Variants in DNAH6 observed in about 807,000 individuals in gnomAD.
DNAH6 encodes the protein axonemal beta dynein heavy chain 6.
A neutral mutation model predicts 491.4 loss-of-function variants in DNAH6; 340 were observed. The observed-to-expected ratio is 0.69, with a 90% CI of 0.63 to 0.76. The LOEUF (loss-of-function observed/expected upper bound fraction) is 0.76, where lower values mean the gene tolerates loss of function less well. Ranked by LOEUF, DNAH6 falls within the 30% of genes least tolerant of loss-of-function variation. The probability of loss-of-function intolerance (pLI) is 0.00; values close to 1 mark genes in which losing one functional copy is unlikely to be tolerated. For synonymous variants in DNAH6, 1,603 were observed against 1,686.1 expected (o/e 0.95, Z 1.21); for missense variants, 4,443 against 4,972.2 (o/e 0.89, Z 3.20).
intron 64 of DNAH6, 35 bp from the exon 65 acceptor site, chr2:84,781,458 A>G (rs1177092198): frequency 4.0e-6 from 6 of 1,510,550 alleles, no homozygotes; most frequent in Middle Eastern, 1.7e-4. Context: ...TTAAAATAGC[A>G]TAAGATGATA....
rs569489014 is a variant in DNAH6 at position 84,597,318 on chromosome 2, A to C, written c.2868+1529A>C. Among the ~76,000 whole-genome samples the C allele has an allele frequency of 4.6e-5, 7 of 152,346 alleles. No homozygotes were observed. In the East Asian group the frequency reaches 1.2e-3, roughly 25 times the overall value. ...CCTTTAAAATGGGCAAAAGATTTGA[A>C]TACACACTTCCCCAAAGAAGACACA... On this transcript the variant is annotated intron_variant, in intron 18 of 76. Coordinates refer to ENST00000389394, the MANE Select transcript of DNAH6 (RefSeq NM_001370.2).
rs773802120 is a variant in DNAH6, at chr2:84,694,530, A to G, written c.7524+50A>G. On this transcript the variant is annotated intron_variant, in intron 46 of 76. Transcript: ENST00000389394. The stretch of plus-strand genomic sequence containing the variant: ...TGAGAACAGGAAATGTATGGGTGTT[A>G]CAATCGGGTGTGTGCTTTGAACAGT... The G allele has an allele frequency of 5.2e-6, 7 of 1,346,036 alleles. 1 individual carries two copies. In the South Asian group the frequency reaches 7.7e-5, roughly 15 times the overall value. The allele number at this position is 1,346,036 out of a possible 1,614,324, so 83.4% of individuals were successfully genotyped here. A position where few individuals can be genotyped will look rare whatever the true frequency, so the allele number is the denominator to read the frequency against.
At chr2:84,661,257 G>A (rs1001196287) in intron 37 of DNAH6, among the ~76,000 whole-genome samples, 3 of 151,934 alleles carry the variant, frequency 2.0e-5, no homozygotes, top group Non-Finnish European at 4.4e-5. Context: ...TCAAGTGAAA[G>A]GGTCACAACC....
Position 84,676,505 on chromosome 2 carries a change from T to G in DNAH6, c.6613-500T>G, listed in dbSNP as rs187727472. 5.9e-5 allele frequency among the ~76,000 whole-genome samples: 9 copies of G among 152,270 alleles called. No individual in the cohort carries two copies. In the East Asian group the frequency reaches 1.4e-3, roughly 23 times the overall value. ...GTTCAATGTTAATGACTCAACAATA[T>G]AAAATAAGGCATTTTAAACAGAAAC... On this transcript the variant is annotated intron_variant, in intron 40 of 76. Coordinates refer to ENST00000389394, the MANE Select transcript of DNAH6 (RefSeq NM_001370.2).
intron 23 of DNAH6, 105 bp from the exon 24 acceptor site, chr2:84,619,580 A>C: frequency 1.0e-6 from 1 of 1,003,732 alleles, no homozygotes. Flanking sequence ...AGGTCCAGGA[A>C]ATTGGTGGAC....
chr2:84,588,839 T>G lies in DNAH6; in HGVS notation c.2495T>G (p.Leu832Ter). 1 of 1,543,630 alleles carries G rather than the reference T, an allele frequency of 6.5e-7. No homozygotes were observed. Among genetic ancestry groups the G allele is most frequent in the Non-Finnish European group, 8.7e-7 (1 of 1,144,220 alleles). Residue 832 changes from leucine (L) to a stop codon, truncating the protein, a stop_gained, in exon 16 of 77, where the codon TTA (leucine) becomes TGA (stop). Transcript: ENST00000389394. LOFTEE classifies it high-confidence loss of function. ...TTAAATTTATAGGATCCACAGATTT[T>G]AGATATCTCTGCTGACCAAGACAAA... ...VKLQAQDPQILDISADQDKIR... is the reference protein window; with the variant it reads ...VKLQAQDPQI
intron 23 of DNAH6, 71 bp downstream of exon 23, chr2:84,617,053 T>C (rs932794573): frequency 1.3e-5 from 11 of 834,054 alleles, no homozygotes; most frequent in African/African-American, 1.8e-5. Flanking sequence ...GTTATAATTA[T>C]AACCTCAAAG....
At chr2:84,777,786 T>G (rs573890842) in intron 64 of DNAH6, 4 of 1,010,796 alleles carry the variant, frequency 4.0e-6, no homozygotes, top group Non-Finnish European at 6.4e-6. Flanking sequence ...ATACAGTTTT[T>G]GGGGAAGCCA....
intron 4 of DNAH6, among the ~76,000 whole-genome samples, chr2:84,533,799 G>GCTAAAAGC (rs1159399592): frequency 6.6e-6 from 1 of 152,128 alleles, no homozygotes; most frequent in African/African-American, 2.4e-5. Flanking sequence ...CTGATTCAGT[G>GCTAAAAGC]CTAAAAGCAG....
chr2:84,558,053 T>A, intron 11 of DNAH6, 118 bp downstream of exon 11: 1 of 588,878 alleles, frequency 1.7e-6, no homozygotes, highest in Non-Finnish European at 2.8e-6. Flanking sequence ...GGCATATGCC[T>A]AAATCTCTAA....
In DNAH6 at chr2:84,790,535, A is replaced by G. The variant is rs558331788; in HGVS notation, c.11239+3233A>G. On this transcript the variant is annotated intron_variant, in intron 68 of 76. Transcript: ENST00000389394. ...GTATATAAAGACCTCTTACAACTCA[A>G]CAATAAGAAAAATAACTCAATATTA... is the stretch of plus-strand genomic sequence containing the variant. 1.5e-3 allele frequency among the ~76,000 whole-genome samples: 223 copies of G among 152,348 alleles called. 1 individual carries two copies. The highest frequency in any genetic ancestry group is 2.7e-3 in the Non-Finnish European group (185 of 68,034).
chr2:84,549,575 T>C (rs1679123125), intron 8 of DNAH6, among the ~76,000 whole-genome samples: 1 of 152,232 alleles, frequency 6.6e-6, no homozygotes, highest in African/African-American at 2.4e-5. Flanking sequence ...TTAAAAAATA[T>C]TATGGCCCTT....
chr2:84,571,962 G>A, intron 11 of DNAH6, among the ~76,000 whole-genome samples: 1 of 151,852 alleles, frequency 6.6e-6, no homozygotes, highest in East Asian at 1.9e-4. Context: ...ATGAAAAGAT[G>A]CAATACATGA....
chr2:84,770,306 A>T (rs1675485539), intron 64 of DNAH6, among the ~76,000 whole-genome samples: 1 of 152,230 alleles, frequency 6.6e-6, no homozygotes, highest in Non-Finnish European at 1.5e-5. Context: ...AACAACAAAA[A>T]ATACAAAGCA....
intron 40 of DNAH6, among the ~76,000 whole-genome samples, chr2:84,673,902 C>A (rs1692979652): frequency 2.0e-5 from 3 of 152,156 alleles, no homozygotes; most frequent in Admixed American, 2.0e-4. Context: ...CACAGACACA[C>A]CCAGGATCAA....
At chr2:84,488,515 C>T in the DNAH6 span, among the ~76,000 whole-genome samples, 1 of 151,956 alleles carries the variant, frequency 6.6e-6, no homozygotes, top group Non-Finnish European at 1.5e-5. Context: ...TTTATTTTTT[C>T]CAATTTCTAG....
chr2:84,626,112 TA>T (rs567691326), intron 29 of DNAH6, among the ~76,000 whole-genome samples: 4 of 147,962 alleles, frequency 2.7e-5, no homozygotes, highest in Admixed American at 6.7e-5. Flanking sequence ...ACAGATCCCC[TA>T]AAAAAAAAAC....
chr2:84,554,485 T>C (rs939909037), intron 10 of DNAH6, among the ~76,000 whole-genome samples: 5 of 152,230 alleles, frequency 3.3e-5, no homozygotes, highest in African/African-American at 1.2e-4. Flanking sequence ...TTAGCTGCTG[T>C]ACTCTGATTC....
At chr2:84,808,941 A>C (rs141964885) in intron 72 of DNAH6, among the ~76,000 whole-genome samples, 101 of 152,338 alleles carry the variant, frequency 6.6e-4, no homozygotes, top group African/African-American at 2.3e-3. Context: ...TGGGCCACAG[A>C]ATGCCTGCAT....
Sources: gnomAD v4.1 joint callset for allele counts (sites outside exome capture counted in the v4.1 genomes callset) on GRCh38, gnomAD v4.1.1 for gene constraint, MANE v1.5 for transcripts, NCBI Gene and HGNC (gene_info 2026-07-23, HGNC 2026-07-21) for gene names.